Variants in IL4I1 observed in about 807,000 individuals in gnomAD.
The protein encoded by IL4I1 is interleukin 4 induced 1.
A neutral mutation model predicts 29.7 loss-of-function variants in IL4I1; 24 were observed. The ratio of observed to expected loss-of-function variants is 0.81; its 90% CI spans 0.59 to 1.14. The LOEUF (loss-of-function observed/expected upper bound fraction) is 1.14, where lower values mean the gene tolerates loss of function less well. IL4I1 is among the 50% of genes most tolerant of loss of function. The pLI, the probability that IL4I1 is intolerant of heterozygous loss-of-function variation, is 0.00. For missense variants in IL4I1, 686 were observed against 785.6 expected (o/e 0.87, Z 1.52); for synonymous variants, 371 against 352.5 (o/e 1.05, Z -0.59).
Position 49,890,562 on chromosome 19 carries a change from C to A in IL4I1, c.812G>T (p.Arg271Leu), listed in dbSNP as rs1324488473. The A allele has an allele frequency of 1.9e-6, 3 of 1,592,320 alleles. No individual in the cohort carries two copies. In the South Asian group the frequency reaches 3.3e-5, roughly 18 times the overall value. ...RIVGGWDLLP[R>L]ALLSSLSGLV... is the part of the protein sequence containing the mutation. ...CCCGGACAGCGAGCTCAGCAGCGCGCGCGGCAGCAGGTCCCAGCCACCCAC... is the reference window on the plus strand; with the variant it reads ...CCCGGACAGCGAGCTCAGCAGCGCGAGCGGCAGCAGGTCCCAGCCACCCAC... The change falls in exon 8 of 8, where the codon CGC becomes CTC. Residue 271 changes from arginine to leucine, a missense_variant. Coordinates refer to ENST00000391826, the MANE Select transcript of IL4I1 (RefSeq NM_152899.2).
At chr19:49,910,410 C>T (rs539256915) in intron 2 of IL4I1, among the ~76,000 whole-genome samples, 1 of 152,102 alleles carries the variant, frequency 6.6e-6, no homozygotes, top group Non-Finnish European at 1.5e-5. Flanking sequence ...CCCAGGCCCA[C>T]ACCTGCACTC....
chr19:49,896,924 C>A, upstream of IL4I1: 1 of 978,902 alleles, frequency 1.0e-6, no homozygotes, highest in Non-Finnish European at 1.2e-6. Flanking sequence ...CTTAAACTGG[C>A]AGAGCCCCGC....
Position 49,889,716 on chromosome 19 carries a change from C to T in IL4I1, c.1658G>A (p.Gly553Asp). Reference protein sequence around the residue: ...KEEGSHPPVQGQLSLQNTTHT... With the variant: ...KEEGSHPPVQDQLSLQNTTHT... ...GGTCGTGTTTTGGAGAGATAACTGG[C>T]CTTGGACTGGAGGGTGGCTGCCTTC... The change falls in exon 8 of 8, where the codon GGC (glycine) becomes GAC (aspartate). Residue 553 changes from glycine (G) to aspartate (D), a missense_variant. Physicochemically the swap from Gly to Asp is moderately conservative, Grantham distance 94. Transcript: ENST00000391826. 3 of 1,513,226 alleles carry T rather than the reference C, an allele frequency of 2.0e-6. No homozygotes were observed. The South Asian group carries it at 4.0e-5, about 20-fold the overall frequency. 93.7% of individuals were successfully genotyped at this position (1,513,226 alleles called of 1,614,324 possible).
chr19:49,910,924 G>A (rs1351677823), intron 2 of IL4I1: 8 of 152,260 alleles, frequency 5.3e-5, no homozygotes, highest in African/African-American at 1.9e-4. Context: ...TTTCTTTTGG[G>A]AAAGGGTTTT....
chr19:49,918,879 C>T (rs936719153), intron 2 of IL4I1, among the ~76,000 whole-genome samples: 13 of 132,948 alleles, frequency 9.8e-5, no homozygotes, highest in Admixed American at 5.1e-4. Context: ...CCTGCAATCC[C>T]AGCACTTTGG....
intron 2 of IL4I1, among the ~76,000 whole-genome samples, chr19:49,914,726 G>GTTTTGTTTT (rs2075575701): frequency 7.1e-5 from 4 of 56,362 alleles, no homozygotes; most frequent in Admixed American, 2.8e-4. Flanking sequence ...CCAAGTCCCA[G>GTTTTGTTTT]TTTTTTTTTT....
intron 2 of IL4I1, among the ~76,000 whole-genome samples, chr19:49,926,523 C>T (rs533764366): frequency 6.9e-6 from 1 of 145,910 alleles, no homozygotes. Flanking sequence ...CAGCAAGACT[C>T]TGTCTCAAAA....
intron 2 of IL4I1, chr19:49,907,771 A>G (rs1217089545): frequency 9.0e-5 from 30 of 332,462 alleles, no homozygotes; most frequent in Non-Finnish European, 1.6e-4. Flanking sequence ...CCTGACCTCA[A>G]GTCATCTGCC....
intron 1 of IL4I1, chr19:49,929,235 C>T (rs1211040647): frequency 6.5e-6 from 1 of 153,452 alleles, no homozygotes; most frequent in Non-Finnish European, 1.4e-5. Context: ...AGTCTCTTCT[C>T]ACTACAGTGT....
At chr19:49,912,200 C>T (rs548679764) in intron 2 of IL4I1, among the ~76,000 whole-genome samples, 6 of 134,112 alleles carry the variant, frequency 4.5e-5, no homozygotes, top group East Asian at 2.2e-4. Context: ...ACGGGAGTCT[C>T]GCTCTGTTGC....
rs187879007 is a variant in IL4I1, at chr19:49,890,564, C to T, written c.810G>A (p.Pro270=). 3 of 1,590,814 alleles carry T rather than the reference C, an allele frequency of 1.9e-6. No individual in the cohort carries two copies. The highest frequency in any genetic ancestry group is 1.3e-5 in the African/African-American group (1 of 74,668). The change falls in exon 8 of 8, where the codon CCG becomes CCA. Residue 270 remains proline (P), a synonymous_variant. Coordinates refer to ENST00000391826, the MANE Select transcript of IL4I1 (RefSeq NM_152899.2). ...SRIVGGWDLL[P]RALLSSLSGL... Reference sequence around the variant, plus strand: ...CGGACAGCGAGCTCAGCAGCGCGCGCGGCAGCAGGTCCCAGCCACCCACGA... The same window carrying T: ...CGGACAGCGAGCTCAGCAGCGCGCGTGGCAGCAGGTCCCAGCCACCCACGA...
upstream of IL4I1, among the ~76,000 whole-genome samples, chr19:49,899,694 C>A (rs1479126562): frequency 1.3e-5 from 2 of 152,026 alleles, no homozygotes; most frequent in Non-Finnish European, 2.9e-5. Context: ...GTAGCTGGGA[C>A]TACAGGCACC....
upstream of IL4I1, among the ~76,000 whole-genome samples, chr19:49,899,872 G>A (rs1004730770): frequency 1.3e-5 from 2 of 152,118 alleles, no homozygotes; most frequent in African/African-American, 4.8e-5. Flanking sequence ...GCTAATTTCT[G>A]TGCTGTTTGT....
chr19:49,890,977 C>A lies in IL4I1; in HGVS notation c.767G>T (p.Arg256Ile), dbSNP rs1363428987. The change falls in exon 7 of 8, where the codon AGA becomes ATA. Residue 256 changes from arginine (R) to isoleucine (I), a missense_variant. By Grantham distance (97) the Arg-to-Ile change is moderately conservative. Transcript: ENST00000391826. ...ALRAHSCLSD[R>I]LQYSRIVGGW... ...CGCCAGCCCCGCCCCTTACTGGAGT[C>A]TGTCGCTGAGGCAGCTGTGGGCCCG... The A allele has an allele frequency of 8.2e-7, 1 of 1,212,820 alleles. No individual in the cohort carries two copies. Among genetic ancestry groups the A allele is most frequent in the African/African-American group, 1.7e-5 (1 of 58,324 alleles). 75.1% of individuals were successfully genotyped at this position (1,212,820 alleles called of 1,614,324 possible).
chr19:49,901,166 G>A (rs893507589), upstream of IL4I1, among the ~76,000 whole-genome samples: 2 of 152,180 alleles, frequency 1.3e-5, no homozygotes, highest in Non-Finnish European at 2.9e-5. Context: ...GGCAGATCAC[G>A]AGATCAGGAG....
chr19:49,914,726 G>GCTTTT (rs2075575319), intron 2 of IL4I1, among the ~76,000 whole-genome samples: 1 of 56,362 alleles, frequency 1.8e-5, no homozygotes, highest in African/African-American at 6.5e-5. Context: ...CCAAGTCCCA[G>GCTTTT]TTTTTTTTTT....
At chr19:49,914,789 G>C (rs1347488378) in intron 2 of IL4I1, among the ~76,000 whole-genome samples, 1 of 137,504 alleles carries the variant, frequency 7.3e-6, no homozygotes, top group Non-Finnish European at 1.5e-5. Context: ...ACCCAGGCTG[G>C]AGTGTGGTGG....
At chr19:49,927,822 CAGAGA>C (rs1168526603) in intron 1 of IL4I1, 2 of 152,250 alleles carry the variant, frequency 1.3e-5, no homozygotes, top group African/African-American at 4.8e-5. Context: ...GTTTCTGCAA[CAGAGA>C]AAAGACGGAC....
chr19:49,896,882 T>C lies in IL4I1; in HGVS notation c.-70A>G, dbSNP rs1357909459. 6 of 985,562 alleles carry C rather than the reference T, an allele frequency of 6.1e-6. No individual in the cohort carries two copies. The highest frequency in any genetic ancestry group is 7.2e-6 in the Non-Finnish European group (6 of 830,036). The allele number at this position is 985,562 out of a possible 1,614,324, so 61.1% of individuals were successfully genotyped here. On this transcript the variant is annotated 5_prime_UTR_variant, in exon 1 of 8. Coordinates refer to ENST00000391826, the MANE Select transcript of IL4I1 (RefSeq NM_152899.2). ...GACAGCGCGGTCCTCTCCACTGCCC[T>C]CCACTGTCTCTGCTGTGGCCCTTTC...
Sources: allele counts gnomAD v4.1 joint callset (sites outside exome capture counted in the v4.1 genomes callset), GRCh38; gene constraint gnomAD v4.1.1; transcripts MANE v1.5; gene names NCBI Gene and HGNC (gene_info 2026-07-23, HGNC 2026-07-21).